RGS17: variants seen among roughly 807,000 people sequenced by gnomAD.
RGS17 encodes the protein regulator of G-protein signaling 17.
RGS17 carries 12 observed loss-of-function variants against 25.5 expected under a neutral mutation model. The ratio of observed to expected loss-of-function variants is 0.47; its 90% CI spans 0.30 to 0.76. RGS17 has a LOEUF of 0.76. Among genes scored for constraint, RGS17 ranks in the 30% least tolerant of loss-of-function variants. The probability of loss-of-function intolerance (pLI) is 0.07; values close to 1 mark genes in which losing one functional copy is unlikely to be tolerated. For synonymous variants in RGS17, 71 were observed against 76.9 expected, an observed-to-expected ratio of 0.92 and a Z score of 0.40; for missense variants, 196 against 242.2, an observed-to-expected ratio of 0.81 and a Z score of 1.27.
rs376203318 is a variant in RGS17, at chr6:153,048,548, T to C, written c.-25-4505A>G. ...CTTATTCAGAGTGAAGTTCTTACAG[T>C]CTGCTTTTTTGTTACTCCCCTGAAT... On this transcript the variant is annotated intron_variant, in intron 1 of 4. Transcript: ENST00000206262. 1.7e-4 allele frequency among the ~76,000 whole-genome samples: 26 copies of C among 152,312 alleles called. No homozygotes were observed. The South Asian group carries it at 5.4e-3, about 32-fold the overall frequency.
At chr6:153,120,576 T>G (rs569397547) in intron 1 of RGS17, among the ~76,000 whole-genome samples, 2 of 152,250 alleles carry the variant, frequency 1.3e-5, no homozygotes, top group Non-Finnish European at 2.9e-5. Context: ...ACCGCCCCCC[T>G]GCATGGACTG....
chr6:153,105,316 G>A (rs2129124136), intron 1 of RGS17, among the ~76,000 whole-genome samples: 1 of 152,106 alleles, frequency 6.6e-6, no homozygotes, highest in Non-Finnish European at 1.5e-5. Flanking sequence ...TTCTAGAGAG[G>A]GTTGACAGCT....
chr6:153,033,773 C>A (rs934753660), intron 2 of RGS17, among the ~76,000 whole-genome samples: 2 of 151,904 alleles, frequency 1.3e-5, no homozygotes, highest in African/African-American at 4.8e-5. Flanking sequence ...ACATGCCAAT[C>A]ATCAGAATCT....
chr6:153,076,301 A>T (rs1776877630), intron 1 of RGS17, among the ~76,000 whole-genome samples: 1 of 152,084 alleles, frequency 6.6e-6, no homozygotes, highest in African/African-American at 2.4e-5. Flanking sequence ...AATTTAAGTA[A>T]ATGGAATATT....
chr6:153,096,684 A>AT (rs1427726597), intron 1 of RGS17, among the ~76,000 whole-genome samples: 1 of 152,116 alleles, frequency 6.6e-6, no homozygotes, highest in African/African-American at 2.4e-5. Context: ...ACTTTAGGAA[A>AT]TTTTTTCTAT....
chr6:153,098,995 T>C (rs1045070262), intron 1 of RGS17, among the ~76,000 whole-genome samples: 1 of 152,104 alleles, frequency 6.6e-6, no homozygotes, highest in Non-Finnish European at 1.5e-5. Flanking sequence ...GAGATGTTCA[T>C]GGTTGTATCT....
At chr6:153,057,546 AC>A (rs1427110510) in intron 1 of RGS17, among the ~76,000 whole-genome samples, 2 of 152,140 alleles carry the variant, frequency 1.3e-5, no homozygotes, top group Non-Finnish European at 2.9e-5. Flanking sequence ...GCGGTCCCCA[AC>A]TTTTCTGGCA....
rs1776849128 is a variant in RGS17, at chr6:153,074,504, CCT to C, written c.-25-30463_-25-30462del. Among the ~76,000 whole-genome samples, 10 of 152,140 alleles carry C rather than the reference CCT, an allele frequency of 6.6e-5. 1 individual carries two copies. The highest frequency in any genetic ancestry group is 5.2e-4 in the Admixed American group (8 of 15,266). On this transcript the variant is annotated intron_variant, in intron 1 of 4. Coordinates refer to ENST00000206262, the MANE Select transcript of RGS17 (RefSeq NM_012419.5). Reference sequence around the variant, plus strand: ...CAGCAGCTTCCTCACTACAAAACTCCCTGTTAAAGCAGAATGGATGTTGGAAA... The same window carrying C: ...CAGCAGCTTCCTCACTACAAAACTCCGTTAAAGCAGAATGGATGTTGGAAA...
Position 153,008,399 on chromosome 6 carries a change from T to C in RGS17, c.*3175A>G, listed in dbSNP as rs957737424. On this transcript the variant is annotated 3_prime_UTR_variant, in exon 5 of 5. Coordinates refer to ENST00000206262, the MANE Select transcript of RGS17 (RefSeq NM_012419.5). ...TAACTTTAGTATCAAAGTTGTGTTT[T>C]GCTCTTGTTGTTCATGTGCACACTC... 7.2e-5 allele frequency: 11 copies of C among 152,170 alleles called. No homozygotes were observed. The highest frequency in any genetic ancestry group is 2.7e-4 in the African/African-American group (11 of 41,448). The allele number at this position is 152,170 out of a possible 1,614,324, so 9.4% of individuals were successfully genotyped here. A position where few individuals can be genotyped will look rare whatever the true frequency, so the allele number is the denominator to read the frequency against.
At chr6:153,123,044 G>A (rs1028541328) in intron 1 of RGS17, among the ~76,000 whole-genome samples, 3 of 151,630 alleles carry the variant, frequency 2.0e-5, no homozygotes, top group Non-Finnish European at 4.4e-5. Context: ...GTACACTGGA[G>A]TAAATTGGAG....
chr6:153,113,066 T>A (rs983718433), intron 1 of RGS17, among the ~76,000 whole-genome samples: 1 of 152,130 alleles, frequency 6.6e-6, no homozygotes, highest in African/African-American at 2.4e-5. Context: ...AATTCACATA[T>A]ATCAATATTA....
At chr6:153,070,916 T>C (rs1776788890) in intron 1 of RGS17, among the ~76,000 whole-genome samples, 1 of 150,432 alleles carries the variant, frequency 6.6e-6, no homozygotes, top group South Asian at 2.1e-4. Flanking sequence ...TACATATGTG[T>C]ACATGTGTAT....
At chr6:153,066,201 CACAT>C (rs1470287560) in intron 1 of RGS17, among the ~76,000 whole-genome samples, 2 of 152,112 alleles carry the variant, frequency 1.3e-5, no homozygotes, top group African/African-American at 4.8e-5. Flanking sequence ...AATTCTTAGA[CACAT>C]ACAACCTACC....
chr6:153,105,350 A>G (rs1278783352), intron 1 of RGS17, among the ~76,000 whole-genome samples: 1 of 152,158 alleles, frequency 6.6e-6, no homozygotes, highest in Non-Finnish European at 1.5e-5. Flanking sequence ...ACAAATAAAT[A>G]TTTATTAAGG....
intron 1 of RGS17, among the ~76,000 whole-genome samples, chr6:153,106,653 A>T (rs1171123042): frequency 6.6e-6 from 1 of 152,030 alleles, no homozygotes; most frequent in Admixed American, 6.5e-5. Context: ...GTAATTATAT[A>T]TACATAGACA....
intron 1 of RGS17, among the ~76,000 whole-genome samples, chr6:153,107,972 G>C (rs1399189706): frequency 6.6e-6 from 1 of 152,184 alleles, no homozygotes; most frequent in Non-Finnish European, 1.5e-5. Context: ...ACAGGTAAAA[G>C]GGGAGCTCAG....
At chr6:153,123,887 A>C (rs1777671247) in intron 1 of RGS17, among the ~76,000 whole-genome samples, 1 of 152,194 alleles carries the variant, frequency 6.6e-6, no homozygotes, top group African/African-American at 2.4e-5. Context: ...GTACAGATGT[A>C]TGTACACATT....
At chr6:153,040,224 C>G (rs1584129597) in intron 2 of RGS17, among the ~76,000 whole-genome samples, 1 of 152,108 alleles carries the variant, frequency 6.6e-6, no homozygotes, top group South Asian at 2.1e-4. Flanking sequence ...AGAGAATGGA[C>G]CAGCTTAAAT....
chr6:153,043,352 T>C (rs932610052), intron 2 of RGS17, among the ~76,000 whole-genome samples: 1 of 152,176 alleles, frequency 6.6e-6, no homozygotes, highest in Admixed American at 6.5e-5. Flanking sequence ...ACCTTTTAGA[T>C]AGGTAGTTGT....
Sources: allele counts gnomAD v4.1 joint callset (sites outside exome capture counted in the v4.1 genomes callset), GRCh38; gene constraint gnomAD v4.1.1; transcripts MANE v1.5; gene names NCBI Gene and HGNC (gene_info 2026-07-23, HGNC 2026-07-21).